The following GBX1 variants were observed in gnomAD, a reference collection of about 807,000 sequenced individuals.
GBX1 encodes the protein homeobox protein GBX-1.
A neutral mutation model predicts 22.9 loss-of-function variants in GBX1; 9 were observed. That is an observed-to-expected ratio of 0.39 (90% CI 0.24 to 0.69). The LOEUF (loss-of-function observed/expected upper bound fraction) is 0.69, where lower values mean the gene tolerates loss of function less well. GBX1 is among the 30% of genes least tolerant of loss of function. The pLI, the probability that GBX1 is intolerant of heterozygous loss-of-function variation, is 0.43. For missense variants in GBX1, 494 were observed against 509.2 expected, an observed-to-expected ratio of 0.97 and a Z score of 0.29; for synonymous variants, 203 against 227.3, an observed-to-expected ratio of 0.89 and a Z score of 0.96.
intron 1 of GBX1, among the ~76,000 whole-genome samples, chr7:151,150,829 C>T (rs1320559211): frequency 6.6e-6 from 1 of 152,130 alleles, no homozygotes; most frequent in South Asian, 2.1e-4. Flanking sequence ...ACCTTCCAGG[C>T]TCAAGGGATC....
Position 151,167,068 on chromosome 7 carries a change from CCACTTTCTCCCGGGCCGGCAGCAGCT to C in GBX1, c.455_480del (p.Glu152GlyfsTer29). Reference sequence around the variant, plus strand: ...GGAGGCGGAGGTGGTGGGGGCTCTGCCACTTTCTCCCGGGCCGGCAGCAGCTCATCAGCTTCCAGCCCACCCTCTGG... The same window carrying C: ...GGAGGCGGAGGTGGTGGGGGCTCTGCCATCAGCTTCCAGCCCACCCTCTGG... On this transcript the variant is annotated frameshift_variant, in exon 1 of 2. Transcript: ENST00000297537. LOFTEE classifies it high-confidence loss of function. The surrounding 1 kb of genome is among the most constrained non-coding windows in gnomAD (Gnocchi z 5.9). 1 of 1,602,578 alleles carries C rather than the reference CCACTTTCTCCCGGGCCGGCAGCAGCT, an allele frequency of 6.2e-7. No homozygotes were observed. The highest frequency in any genetic ancestry group is 1.1e-5 in the South Asian group (1 of 89,528).
At position 151,149,543 on chromosome 7, in the gene GBX1, C is replaced by T. The variant is rs187788502; in HGVS notation, c.539-401G>A. Among the ~76,000 whole-genome samples, 51 of 152,210 alleles carry T rather than the reference C, an allele frequency of 3.4e-4. No individual in the cohort carries two copies. In the Middle Eastern group the frequency reaches 0.01, roughly 30 times the overall value. On this transcript the variant is annotated intron_variant, in intron 1 of 1. Transcript: ENST00000297537. ...GCAGTGATATACCACCCCTCCAGAG[C>T]CAGGCCTCGCAGCCTCAGGTGCCAG...
Position 151,167,086 on chromosome 7 carries a change from G to A in GBX1, c.463C>T (p.Pro155Ser), listed in dbSNP as rs1801262656. 4.4e-6 allele frequency: 7 copies of A among 1,603,764 alleles called. No individual in the cohort carries two copies. The highest frequency in any genetic ancestry group is 1.1e-5 in the South Asian group (1 of 89,674). The change falls in exon 1 of 2, where the codon CCG becomes TCG. Residue 155 changes from proline to serine, a missense_variant. Physicochemically the swap from Pro to Ser is moderately conservative, Grantham distance 74 (BLOSUM62 -1). This residue lies in a region of GBX1 where 365 missense variants were observed against 340.4 expected (regional missense o/e 1.07). Coordinates refer to ENST00000297537, the MANE Select transcript of GBX1 (RefSeq NM_001098834.3). This position sits in a 1 kb window ranked among gnomAD's most constrained non-coding sequence, Gnocchi z 5.9. ...EGGLEADELL[P>S]AREKVAEPPP... ...GGCTCTGCCACTTTCTCCCGGGCCGGCAGCAGCTCATCAGCTTCCAGCCCA... is the reference window on the plus strand; with the variant it reads ...GGCTCTGCCACTTTCTCCCGGGCCGACAGCAGCTCATCAGCTTCCAGCCCA...
Sources: gnomAD v4.1 joint callset for allele counts (sites outside exome capture counted in the v4.1 genomes callset) on GRCh38, gnomAD v4.1.1 for gene constraint, gnomAD v4.1.1 regional missense constraint, Gnocchi (gnomAD v3.1) non-coding constraint, MANE v1.5 for transcripts, NCBI Gene and HGNC (gene_info 2026-07-23, HGNC 2026-07-21) for gene names.